Variants in GRID2 observed in about 807,000 individuals in gnomAD.
GRID2 encodes the protein glutamate receptor ionotropic, delta-2.
In GRID2, 33 loss-of-function variants were observed where a neutral mutation model predicts 114.8. The observed-to-expected ratio is 0.29, with a 90% CI of 0.22 to 0.38. The LOEUF is 0.38. Ranked by LOEUF, GRID2 falls within the 10% of genes least tolerant of loss-of-function variation. The pLI is 1.00. For synonymous variants in GRID2, 505 were observed against 449.9 expected (o/e 1.12, Z -1.55); for missense variants, 1,184 against 1,257.7 (o/e 0.94, Z 0.89).
At chr4:93,415,447 G>T (rs537575094) in intron 9 of GRID2, among the ~76,000 whole-genome samples, 1 of 152,016 alleles carries the variant, frequency 6.6e-6, no homozygotes, top group African/African-American at 2.4e-5. Context: ...TACTCAAAAC[G>T]CAGTCTGAGA....
chr4:93,135,092 A>T (rs1735126003), intron 4 of GRID2, among the ~76,000 whole-genome samples: 1 of 152,192 alleles, frequency 6.6e-6, no homozygotes, highest in Non-Finnish European at 1.5e-5. Flanking sequence ...GGTTTGCATT[A>T]GTTTTAAACA....
chr4:93,557,638 G>C (rs1205025629), intron 13 of GRID2, among the ~76,000 whole-genome samples: 1 of 152,116 alleles, frequency 6.6e-6, no homozygotes, highest in Non-Finnish European at 1.5e-5. Flanking sequence ...CAATAATATT[G>C]GGAGACTTTA....
intron 2 of GRID2, among the ~76,000 whole-genome samples, chr4:92,888,126 G>A (rs921750263): frequency 7.2e-5 from 11 of 152,254 alleles, no homozygotes; most frequent in South Asian, 2.1e-4. Context: ...TTCAAAGAGA[G>A]AAGTTTATGA....
intron 1 of GRID2, among the ~76,000 whole-genome samples, chr4:92,566,379 G>C (rs895227744): frequency 2.6e-5 from 4 of 151,670 alleles, no homozygotes; most frequent in Non-Finnish European, 5.9e-5. Context: ...AATAAAGTTT[G>C]CCAACAACGA....
intron 14 of GRID2, among the ~76,000 whole-genome samples, chr4:93,668,424 C>A (rs1048353466): frequency 6.6e-6 from 1 of 151,704 alleles, no homozygotes; most frequent in Non-Finnish European, 1.5e-5. Flanking sequence ...ATTCCTATTG[C>A]TACCTCCCCT....
intron 2 of GRID2, among the ~76,000 whole-genome samples, chr4:92,879,253 C>T (rs1745836592): frequency 1.3e-5 from 2 of 151,996 alleles, no homozygotes; most frequent in South Asian, 2.1e-4. Flanking sequence ...TTTGCCTCTC[C>T]CAATCAGGGA....
chr4:92,640,912 C>T (rs1451943893), intron 2 of GRID2, among the ~76,000 whole-genome samples: 1 of 151,430 alleles, frequency 6.6e-6, no homozygotes, highest in Non-Finnish European at 1.5e-5. Context: ...AACTTTAATA[C>T]TCTTAAATTA....
Position 92,662,136 on chromosome 4 carries a change from G to A in GRID2, c.244+71850G>A, listed in dbSNP as rs554223814. On this transcript the variant is annotated intron_variant, in intron 2 of 15. Coordinates refer to ENST00000282020, the MANE Select transcript of GRID2 (RefSeq NM_001510.4). ...TCACACAGGTTTCCTTTCTGTGTAT[G>A]AAAAAGTAAATCATTATTAAGTAAT... Among the ~76,000 whole-genome samples, 27 of 151,046 alleles carry A rather than the reference G, an allele frequency of 1.8e-4. No homozygotes were observed. In the South Asian group the frequency reaches 3.1e-3, roughly 17 times the overall value.
intron 2 of GRID2, among the ~76,000 whole-genome samples, chr4:92,617,346 G>C (rs568236035): frequency 6.6e-6 from 1 of 151,376 alleles, no homozygotes; most frequent in African/African-American, 2.4e-5. Flanking sequence ...GCATGTATTA[G>C]GTATTTGTCC....
intron 1 of GRID2, among the ~76,000 whole-genome samples, chr4:92,355,598 C>CAA (rs1408329577): frequency 6.6e-6 from 1 of 151,720 alleles, no homozygotes; most frequent in African/African-American, 2.4e-5. Flanking sequence ...ACATATAAGC[C>CAA]AAAACTCTAC....
chr4:93,329,129 G>C (rs918066996), intron 8 of GRID2, among the ~76,000 whole-genome samples: 1 of 152,084 alleles, frequency 6.6e-6, no homozygotes, highest in African/African-American at 2.4e-5. Context: ...GGAAGTATGA[G>C]TTAGTTGAAA....
chr4:93,572,472 T>A (rs1021736009), intron 13 of GRID2, among the ~76,000 whole-genome samples: 25 of 152,138 alleles, frequency 1.6e-4, no homozygotes, highest in African/African-American at 6.0e-4. Context: ...TTTAGAGACC[T>A]CATTATATTA....
intron 10 of GRID2, among the ~76,000 whole-genome samples, chr4:93,446,088 G>C (rs755384360): frequency 6.6e-6 from 1 of 151,982 alleles, no homozygotes; most frequent in African/African-American, 2.4e-5. Flanking sequence ...AAAGAGCAGG[G>C]TATTAGCTCA....
At chr4:92,326,844 C>A (rs563223659) in intron 1 of GRID2, among the ~76,000 whole-genome samples, 2 of 152,022 alleles carry the variant, frequency 1.3e-5, no homozygotes, top group South Asian at 4.2e-4. Flanking sequence ...TTATTTGTCC[C>A]CTTATTAACT....
intron 10 of GRID2, among the ~76,000 whole-genome samples, chr4:93,430,511 CAT>C (rs1410098820): frequency 3.3e-5 from 5 of 152,222 alleles, no homozygotes; most frequent in South Asian, 2.1e-4. Flanking sequence ...TGCCACTTAA[CAT>C]GTGTTAATCA....
chr4:93,196,107 T>A (rs573190526), intron 4 of GRID2, among the ~76,000 whole-genome samples: 1 of 152,258 alleles, frequency 6.6e-6, no homozygotes, highest in African/African-American at 2.4e-5. Context: ...CCTAGTGAAA[T>A]AACTCAGGCA....
chr4:92,354,472 A>G (rs1248013360), intron 1 of GRID2, among the ~76,000 whole-genome samples: 1 of 151,852 alleles, frequency 6.6e-6, no homozygotes, highest in African/African-American at 2.4e-5. Context: ...GAGTATTATT[A>G]CATTGTTTCT....
At chr4:93,095,099 G>A (rs780065965) in intron 3 of GRID2, among the ~76,000 whole-genome samples, 6 of 151,834 alleles carry the variant, frequency 4.0e-5, no homozygotes, top group Non-Finnish European at 8.8e-5. Context: ...GAAATATTTT[G>A]ATAAAACACT....
intron 14 of GRID2, among the ~76,000 whole-genome samples, chr4:93,755,109 T>C (rs1394579664): frequency 6.6e-6 from 1 of 152,160 alleles, no homozygotes; most frequent in Admixed American, 6.5e-5. Flanking sequence ...ATCCCTTTCA[T>C]AACAGCAACG....
Sources: allele counts gnomAD v4.1 joint callset (sites outside exome capture counted in the v4.1 genomes callset), GRCh38; gene constraint gnomAD v4.1.1; transcripts MANE v1.5; gene names NCBI Gene and HGNC (gene_info 2026-07-23, HGNC 2026-07-21).